Variants in MYH11 observed in about 807,000 individuals in gnomAD.
The protein encoded by MYH11 is myosin-11.
In MYH11, 80 loss-of-function variants were observed where a neutral mutation model predicts 246.6. The ratio of observed to expected loss-of-function variants is 0.32; its 90% CI spans 0.27 to 0.39. MYH11 has a LOEUF of 0.39. Ranked by LOEUF, MYH11 falls within the 10% of genes least tolerant of loss-of-function variation. The pLI is 1.00. For missense variants in MYH11, 2,158 were observed against 2,546.8 expected, an observed-to-expected ratio of 0.85 and a Z score of 3.29; for synonymous variants, 1,071 against 1,015.5, an observed-to-expected ratio of 1.05 and a Z score of -1.04.
chr16:15,763,760 C>CCCCCCAACA, intron 10 of MYH11, 36 bp downstream of exon 10: 1 of 1,192,092 alleles, frequency 8.4e-7, no homozygotes, highest in Non-Finnish European at 1.3e-6. Context: ...CCCCCAACCC[C>CCCCCCAACA]AAAGTCATTG....
At chr16:15,795,316 C>G (rs2151318446) in intron 4 of MYH11, among the ~76,000 whole-genome samples, 1 of 145,442 alleles carries the variant, frequency 6.9e-6, no homozygotes, top group Non-Finnish European at 1.5e-5. Flanking sequence ...ACAACAACAA[C>G]AAACTGCAGG....
At position 15,782,416 on chromosome 16, in the gene MYH11, T is replaced by C. The variant is rs781095954; in HGVS notation, c.695A>G (p.Lys232Arg). The change falls in exon 6 of 41, where the codon AAA becomes AGA. Residue 232 changes from lysine (K) to arginine (R), a missense_variant. Lys to Arg is a conservative substitution (Grantham distance 26, BLOSUM62 2). Coordinates refer to ENST00000300036, the MANE Select transcript of MYH11 (RefSeq NM_002474.3). ...NPILEAFGNA[K>R]TVKNDNSSRF... The stretch of plus-strand genomic sequence containing the variant: ...TGAGGAGTTGTCGTTCTTCACTGTT[T>C]TGGCGTTGCCGAAAGCCTCCAGAAT... 4 of 1,614,218 alleles carry C rather than the reference T, an allele frequency of 2.5e-6. No individual in the cohort carries two copies. Among genetic ancestry groups the C allele is most frequent in the Non-Finnish European group, 3.4e-6 (4 of 1,180,036 alleles).
chr16:15,710,107 A>G (rs892339678), intron 40 of MYH11, among the ~76,000 whole-genome samples: 12 of 152,186 alleles, frequency 7.9e-5, no homozygotes, highest in African/African-American at 2.7e-4. Flanking sequence ...CACCTGCATT[A>G]TGTGTGTATT....
chr16:15,806,468 C>A (rs76596514), intron 3 of MYH11, among the ~76,000 whole-genome samples: 5,292 of 151,996 alleles, frequency 0.035, 289 homozygotes, highest in African/African-American at 0.12. Flanking sequence ...CACAAGATTT[C>A]TTTGGGGGAT....
chr16:15,718,235 A>C, intron 37 of MYH11, 80 bp downstream of exon 37: 1 of 1,593,676 alleles, frequency 6.3e-7, no homozygotes, highest in Non-Finnish European at 8.5e-7. Context: ...GGAAGCCGCC[A>C]CGCGTGTGTT....
At chr16:15,841,510 A>G (rs1323990399) in intron 1 of MYH11, among the ~76,000 whole-genome samples, 1 of 152,202 alleles carries the variant, frequency 6.6e-6, no homozygotes, top group African/African-American at 2.4e-5. Context: ...TGCGTTTTCT[A>G]TACAAATTGT....
chr16:15,819,757 C>T (rs1196236574), intron 3 of MYH11, among the ~76,000 whole-genome samples: 1 of 152,106 alleles, frequency 6.6e-6, no homozygotes, highest in Non-Finnish European at 1.5e-5. Context: ...ACCATCTCTC[C>T]CCTGCGGTCC....
chr16:15,756,044 G>A (rs1005065401), intron 14 of MYH11, among the ~76,000 whole-genome samples: 1 of 152,212 alleles, frequency 6.6e-6, no homozygotes, highest in Non-Finnish European at 1.5e-5. Flanking sequence ...GCTGTAGTGA[G>A]CTATGATCGC....
At chr16:15,855,062 G>A (rs2044427822) in intron 1 of MYH11, among the ~76,000 whole-genome samples, 1 of 152,166 alleles carries the variant, frequency 6.6e-6, no homozygotes, top group Non-Finnish European at 1.5e-5. Context: ...AAATGGGCAT[G>A]TTTGCCTCAA....
At chr16:15,718,949 G>A in intron 36 of MYH11, 1 of 468,350 alleles carries the variant, frequency 2.1e-6, no homozygotes, top group Non-Finnish European at 3.9e-6. Flanking sequence ...CCAACATGGT[G>A]AAACCCCACC....
At chr16:15,725,805 CCAAAGA>C (rs2040725722) in intron 28 of MYH11, 1 of 398,106 alleles carries the variant, frequency 2.5e-6, no homozygotes, top group Non-Finnish European at 4.4e-6. Context: ...TGAAAGAAGA[CCAAAGA>C]CAAAAAGACC....
rs2040206752 is a variant in MYH11, at chr16:15,717,249, T to C, written c.5395A>G (p.Ser1799Gly). ...GCCCCCTCCATCTCGTGGAGCTTGC[T>C]CCGGAGCTCCTTGTTCTGCCGCTCG... ...QLERQNKELR[S>G]KLHEMEGAVK... Residue 1799 changes from serine to glycine, a missense_variant, in exon 38 of 41, where the codon AGC (serine) becomes GGC (glycine). Ser to Gly is a moderately conservative substitution (Grantham distance 56, BLOSUM62 0). Around this residue, in one of 11 missense-constraint regions of MYH11, gnomAD observed 1,013 missense variants for 993.5 expected, o/e 1.02. Coordinates refer to ENST00000300036, the MANE Select transcript of MYH11 (RefSeq NM_002474.3). 3 of 1,614,054 alleles carry C rather than the reference T, an allele frequency of 1.9e-6. No individual in the cohort carries two copies. The highest frequency in any genetic ancestry group is 2.5e-6 in the Non-Finnish European group (3 of 1,180,054).
intron 3 of MYH11, among the ~76,000 whole-genome samples, chr16:15,820,794 G>A (rs2043390031): frequency 6.6e-6 from 1 of 152,126 alleles, no homozygotes; most frequent in Non-Finnish European, 1.5e-5. Context: ...CTACAAATTA[G>A]CACCTACTTG....
intron 3 of MYH11, among the ~76,000 whole-genome samples, chr16:15,799,955 GAAGGAAGGAAGA>G (rs377295928): frequency 5.3e-4 from 81 of 152,078 alleles, no homozygotes; most frequent in African/African-American, 1.8e-3. Flanking sequence ...TGAGTGGACG[GAAGGAAGGAAGA>G]AAGGAAGGAA....
At chr16:15,753,008 T>C (rs764644131) in intron 15 of MYH11, among the ~76,000 whole-genome samples, 13 of 152,154 alleles carry the variant, frequency 8.5e-5, no homozygotes, top group African/African-American at 1.2e-4. Flanking sequence ...GTTTTACTAA[T>C]GAGGACAATG....
chr16:15,805,793 G>A (rs145418845), intron 3 of MYH11, among the ~76,000 whole-genome samples: 52 of 152,260 alleles, frequency 3.4e-4, no homozygotes, highest in Middle Eastern at 3.4e-3. Flanking sequence ...CACAATCCCT[G>A]TGGTCTCAGC....
At chr16:15,767,488 T>A (rs755897540) in intron 9 of MYH11, among the ~76,000 whole-genome samples, 22 of 152,100 alleles carry the variant, frequency 1.4e-4, no homozygotes, top group Non-Finnish European at 2.4e-4. Flanking sequence ...TACATTTATT[T>A]TTTTTTCCTT....
intron 1 of MYH11, among the ~76,000 whole-genome samples, chr16:15,846,078 G>A (rs215577): frequency 0.55 from 83,321 of 151,794 alleles, 25,002 homozygotes; most frequent in Non-Finnish European, 0.66. Flanking sequence ...CAGCCTTGGC[G>A]ACAGAGTCAG....
At chr16:15,743,281 G>A (rs1298359864) in intron 20 of MYH11, among the ~76,000 whole-genome samples, 1 of 152,154 alleles carries the variant, frequency 6.6e-6, no homozygotes, top group East Asian at 1.9e-4. Flanking sequence ...TGATTCTCCT[G>A]CCTCAATCTC....
Sources: gnomAD v4.1 joint callset for allele counts (sites outside exome capture counted in the v4.1 genomes callset) on GRCh38, gnomAD v4.1.1 for gene constraint, gnomAD v4.1.1 regional missense constraint, MANE v1.5 for transcripts, NCBI Gene and HGNC (gene_info 2026-07-23, HGNC 2026-07-21) for gene names.